NCOA1: variants seen among roughly 807,000 people sequenced by gnomAD.
The protein encoded by NCOA1 is nuclear receptor coactivator 1, also known as Hin-2 protein.
A neutral mutation model predicts 150.9 loss-of-function variants in NCOA1; 35 were observed. The observed-to-expected ratio is 0.23, with a 90% confidence interval of 0.18 to 0.31. NCOA1 has a LOEUF of 0.31. Ranked by LOEUF, NCOA1 falls within the 10% of genes least tolerant of loss-of-function variation. NCOA1 has a pLI of 1.00. For missense variants in NCOA1, 1,491 were observed against 1,749.3 expected, an observed-to-expected ratio of 0.85 and a Z score of 2.63; for synonymous variants, 590 against 630.0, an observed-to-expected ratio of 0.94 and a Z score of 0.95.
At chr2:24,721,674 C>G (rs150162476) in intron 14 of NCOA1, among the ~76,000 whole-genome samples, 307 of 152,340 alleles carry the variant, frequency 2.0e-3, no homozygotes, top group Non-Finnish European at 3.5e-3. Flanking sequence ...GTCAGCTGCA[C>G]TCAGAGCAAT....
At chr2:24,715,754 G>A (rs900701534) in intron 14 of NCOA1, among the ~76,000 whole-genome samples, 1 of 152,150 alleles carries the variant, frequency 6.6e-6, no homozygotes, top group African/African-American at 2.4e-5. Flanking sequence ...TAAATGGAGA[G>A]GGATACCATT....
chr2:24,517,367 C>G (rs1045769274), intron 1 of NCOA1, among the ~76,000 whole-genome samples: 1 of 151,782 alleles, frequency 6.6e-6, no homozygotes, highest in Non-Finnish European at 1.5e-5. Context: ...CAGTGTGTAC[C>G]GACTTTCTCC....
chr2:24,728,619 AGTT>A, intron 16 of NCOA1, 143 bp downstream of exon 16: 1 of 626,938 alleles, frequency 1.6e-6, no homozygotes, highest in Non-Finnish European at 2.5e-6. Flanking sequence ...AAAATATATG[AGTT>A]TTTTTTTTAA....
intron 8 of NCOA1, among the ~76,000 whole-genome samples, chr2:24,690,678 A>AAAG (rs1672626170): frequency 2.7e-5 from 4 of 146,964 alleles, no homozygotes; most frequent in Admixed American, 6.7e-5. Flanking sequence ...AAAAAAAAAA[A>AAAG]GGCAGTGTTA....
chr2:24,497,364 C>T (rs1663267156), intron 1 of NCOA1, among the ~76,000 whole-genome samples: 1 of 151,916 alleles, frequency 6.6e-6, no homozygotes, highest in East Asian at 1.9e-4. Context: ...ATACCAGTTA[C>T]TTGATGAAAA....
intron 11 of NCOA1, among the ~76,000 whole-genome samples, chr2:24,702,643 C>CT (rs1417149348): frequency 6.6e-6 from 1 of 152,118 alleles, no homozygotes; most frequent in Non-Finnish European, 1.5e-5. Flanking sequence ...GTTAAAGGTT[C>CT]TTTGGAAGGA....
chr2:24,568,896 T>G (rs992371755), intron 2 of NCOA1, among the ~76,000 whole-genome samples: 1 of 152,218 alleles, frequency 6.6e-6, no homozygotes, highest in Non-Finnish European at 1.5e-5. Context: ...TGTTACTGTT[T>G]ATCACTGAAA....
intron 3 of NCOA1, among the ~76,000 whole-genome samples, chr2:24,597,604 G>A (rs1377103727): frequency 5.3e-5 from 8 of 152,094 alleles, no homozygotes; most frequent in Non-Finnish European, 1.0e-4. Context: ...TGGAGACCCA[G>A]GGAAGAGTTG....
chr2:24,521,034 C>T (rs891740217), intron 1 of NCOA1, among the ~76,000 whole-genome samples: 6 of 151,954 alleles, frequency 3.9e-5, no homozygotes, highest in Non-Finnish European at 7.4e-5. Context: ...TGCTTCATAA[C>T]GCTCTCAACT....
intron 3 of NCOA1, among the ~76,000 whole-genome samples, chr2:24,637,525 G>A (rs1669993219): frequency 1.3e-5 from 2 of 151,532 alleles, no homozygotes; most frequent in Admixed American, 1.3e-4. Context: ...AAAATGATGA[G>A]TTCATGTCCT....
chr2:24,743,529 G>A (rs540835206), intron 19 of NCOA1, among the ~76,000 whole-genome samples: 1 of 152,212 alleles, frequency 6.6e-6, no homozygotes, highest in Non-Finnish European at 1.5e-5. Flanking sequence ...CTGTGTGGGC[G>A]AGAAAAGGAT....
intron 1 of NCOA1, among the ~76,000 whole-genome samples, chr2:24,542,090 G>A (rs1470117625): frequency 6.6e-6 from 1 of 152,132 alleles, no homozygotes; most frequent in Non-Finnish European, 1.5e-5. Flanking sequence ...CAGAGTTATG[G>A]GAAGATAGAC....
At chr2:24,684,408 A>AG (rs1384481644) in intron 8 of NCOA1, among the ~76,000 whole-genome samples, 1 of 152,214 alleles carries the variant, frequency 6.6e-6, no homozygotes, top group African/African-American at 2.4e-5. Flanking sequence ...TGTTTGTGGA[A>AG]GGGCCACATT....
At position 24,496,330 on chromosome 2, in the gene NCOA1, G is replaced by A. The variant is rs114627481; in HGVS notation, c.-396+4728G>A. ...CATTTCCCATTCCAGAAAATTTGCT[G>A]TAGATGGCATATGCAGAAATACTTC... On this transcript the variant is annotated intron_variant, in intron 1 of 22. Coordinates refer to ENST00000348332, the MANE Select transcript of NCOA1 (RefSeq NM_003743.5). 2.2e-3 allele frequency among the ~76,000 whole-genome samples: 329 copies of A among 152,316 alleles called. 1 individual carries two copies. The highest frequency in any genetic ancestry group is 7.5e-3 in the African/African-American group (311 of 41,566).
At chr2:24,566,328 C>T (rs1337931453) in intron 2 of NCOA1, among the ~76,000 whole-genome samples, 1 of 152,032 alleles carries the variant, frequency 6.6e-6, no homozygotes, top group East Asian at 1.9e-4. Flanking sequence ...CCATCCTCTC[C>T]TCAGCTTTCA....
intron 1 of NCOA1, among the ~76,000 whole-genome samples, chr2:24,537,466 T>C (rs984607240): frequency 1.3e-5 from 2 of 151,618 alleles, no homozygotes; most frequent in Non-Finnish European, 2.9e-5. Context: ...TGTGTGTATA[T>C]ATATATAATA....
At chr2:24,670,461 T>C (rs4665270) in intron 6 of NCOA1, among the ~76,000 whole-genome samples, 6,349 of 152,226 alleles carry the variant, frequency 0.042, 162 homozygotes, top group East Asian at 0.13. Flanking sequence ...TAAAAGGACA[T>C]ATACCACTAT....
intron 3 of NCOA1, among the ~76,000 whole-genome samples, chr2:24,631,851 A>G (rs374386082): frequency 4.6e-4 from 70 of 152,336 alleles, no homozygotes; most frequent in Admixed American, 1.7e-3. Flanking sequence ...TCTGTCATAC[A>G]ATTCTTTATG....
chr2:24,566,739 G>A lies in NCOA1; in HGVS notation c.-260+2309G>A, dbSNP rs75598610. 6.6e-5 allele frequency among the ~76,000 whole-genome samples: 10 copies of A among 152,334 alleles called. No homozygotes were observed. The East Asian group carries it at 1.3e-3, about 21-fold the overall frequency. On this transcript the variant is annotated intron_variant, in intron 2 of 22. Transcript: ENST00000348332. ...TGAGGGGCACCTGCAGGCCAGCATC[G>A]AGTCTCTCCTTGTCCTCTCTCACCC...
Sources: gnomAD v4.1 joint callset for allele counts (sites outside exome capture counted in the v4.1 genomes callset) on GRCh38, gnomAD v4.1.1 for gene constraint, MANE v1.5 for transcripts, NCBI Gene and HGNC (gene_info 2026-07-23, HGNC 2026-07-21) for gene names.